TRPM2: variants seen among roughly 807,000 people sequenced by gnomAD.
TRPM2 encodes estrogen-responsive element-associated gene 1 protein.
In TRPM2, 161 loss-of-function variants were observed where a neutral mutation model predicts 174.0. The observed-to-expected ratio is 0.93, with a 90% CI of 0.81 to 1.05. The LOEUF (loss-of-function observed/expected upper bound fraction) is 1.05. TRPM2 is among the 50% of genes least tolerant of loss of function. TRPM2 has a pLI of 0.00. For synonymous variants in TRPM2, 954 were observed against 861.3 expected (o/e 1.11, Z -1.88); for missense variants, 2,057 against 2,038.0 (o/e 1.01, Z -0.18).
In TRPM2 at chr21:44,391,176, G is replaced by C; in HGVS notation, c.1441-96G>C. 6.5e-7 allele frequency: 1 copy of C among 1,535,612 alleles called. No homozygotes were observed. Reference sequence around the variant, plus strand: ...GGCAGCTTTCATCCTCCCCAGGTTGGGGACAACAGCAGCCCCCATCTCCAG... The same window carrying C: ...GGCAGCTTTCATCCTCCCCAGGTTGCGGACAACAGCAGCCCCCATCTCCAG... On this transcript the variant is annotated intron_variant, in intron 10 of 31. Transcript: ENST00000397928. This position sits in a 1 kb window ranked among gnomAD's most constrained non-coding sequence, Gnocchi z 5.0.
upstream of TRPM2, among the ~76,000 whole-genome samples, chr21:44,352,033 G>A (rs2047934224): frequency 6.6e-6 from 1 of 152,216 alleles, no homozygotes; most frequent in African/African-American, 2.4e-5. Flanking sequence ...AGGGTGGACC[G>A]CCTGCCTGGG....
chr21:44,434,232 TGGGGACTGTGGTGGGGACGGTGGC>T (rs1254441103), intron 27 of TRPM2, among the ~76,000 whole-genome samples: 14 of 151,538 alleles, frequency 9.2e-5, no homozygotes, highest in Non-Finnish European at 1.3e-4. Flanking sequence ...TGGATGGTGG[TGGGGACTGTGGTGGGGACGGTGGC>T]GGGGACGCTG....
intron 28 of TRPM2, 121 bp downstream of exon 28, chr21:44,435,338 G>T (rs1051173322): frequency 1.5e-5 from 15 of 1,026,732 alleles, no homozygotes; most frequent in Non-Finnish European, 1.7e-5. Flanking sequence ...CTTGGCACTT[G>T]GTGCCTACTG....
chr21:44,411,207 G>T (rs1275664803), intron 19 of TRPM2, among the ~76,000 whole-genome samples: 1 of 152,122 alleles, frequency 6.6e-6, no homozygotes, highest in Admixed American at 6.6e-5. Flanking sequence ...CTCCAAAAAG[G>T]GCATCTGTGA....
chr21:44,436,206 G>A (rs551406565), intron 28 of TRPM2, among the ~76,000 whole-genome samples: 13 of 152,316 alleles, frequency 8.5e-5, no homozygotes, highest in Admixed American at 2.6e-4. Flanking sequence ...AGACGCCTGC[G>A]TCCCTGAGGA....
intron 4 of TRPM2, among the ~76,000 whole-genome samples, chr21:44,368,958 C>T (rs566089864): frequency 4.1e-4 from 62 of 152,260 alleles, no homozygotes; most frequent in African/African-American, 1.4e-3. Flanking sequence ...GCGGCAGGGA[C>T]CGGGAGAGGG....
upstream of TRPM2, among the ~76,000 whole-genome samples, chr21:44,350,877 G>C (rs1347973218): frequency 6.6e-6 from 1 of 152,142 alleles, no homozygotes; most frequent in Non-Finnish European, 1.5e-5. Flanking sequence ...AGCCGTCCTC[G>C]TGCCCCTGCC....
chr21:44,384,023 C>T (rs931011536), intron 9 of TRPM2, among the ~76,000 whole-genome samples: 1 of 151,880 alleles, frequency 6.6e-6, no homozygotes, highest in African/African-American at 2.4e-5. Context: ...AGATCAATGA[C>T]ATAAAGAATA....
Position 44,399,589 on chromosome 21 carries a change from C to A in TRPM2, c.2208+148C>A. ...GGACAGCGCCTGACCCCTCGGCCAC[C>A]TGCTCCAGGCTCTGGCCTCCCATTT... On this transcript the variant is annotated intron_variant, in intron 14 of 31. Transcript: ENST00000397928. The surrounding 1 kb of genome is among the most constrained non-coding windows in gnomAD (Gnocchi z 4.6). The A allele has an allele frequency of 1.8e-6, 2 of 1,106,774 alleles. No individual in the cohort carries two copies. The highest frequency in any genetic ancestry group is 2.4e-6 in the Non-Finnish European group (2 of 825,094). The allele number at this position is 1,106,774 out of a possible 1,614,324, so 68.6% of individuals were successfully genotyped here. A position where few individuals can be genotyped will look rare whatever the true frequency, so the allele number is the denominator to read the frequency against.
At position 44,442,144 on chromosome 21, in the gene TRPM2, G is replaced by A. The variant is rs1049782787; in HGVS notation, c.*327G>A. Reference sequence around the variant, plus strand: ...CAGAGTCCACTCCCTTCCTGGCTGTGTCACCCCGAGCAGCTCATCCACCAT... The same window carrying A: ...CAGAGTCCACTCCCTTCCTGGCTGTATCACCCCGAGCAGCTCATCCACCAT... On this transcript the variant is annotated 3_prime_UTR_variant, in exon 32 of 32. Transcript: ENST00000397928. 1.2e-5 allele frequency: 3 copies of A among 252,032 alleles called. No homozygotes were observed. The highest frequency in any genetic ancestry group is 2.2e-5 in the Non-Finnish European group (3 of 133,684). 15.6% of individuals were successfully genotyped at this position (252,032 alleles called of 1,614,324 possible).
At chr21:44,353,909 G>T in intron 1 of TRPM2, 44 bp downstream of exon 1, 1 of 1,581,320 alleles carries the variant, frequency 6.3e-7, no homozygotes. Context: ...CGTGGCCACG[G>T]AGGTCACCGT....
At position 44,427,277 on chromosome 21, in the gene TRPM2, C is replaced by T. The variant is rs547980215; in HGVS notation, c.3974+166C>T. 3.3e-5 allele frequency among the ~76,000 whole-genome samples: 5 copies of T among 152,366 alleles called. No homozygotes were observed. The East Asian group carries it at 7.7e-4, about 24-fold the overall frequency. On this transcript the variant is annotated intron_variant, in intron 27 of 31. Coordinates refer to ENST00000397928, the MANE Select transcript of TRPM2 (RefSeq NM_003307.4). ...ATCAACTCACTGCATCTCCGTAGCC[C>T]CCAGGACTGGGCTTGGGGGCGTGGG...
intron 20 of TRPM2, chr21:44,414,604 A>G (rs2050217441): frequency 6.5e-6 from 1 of 153,496 alleles, no homozygotes. Flanking sequence ...TGAGAAAAGA[A>G]AAGCTTTTAT....
intron 5 of TRPM2, among the ~76,000 whole-genome samples, 195 bp downstream of exon 5, chr21:44,369,538 T>C (rs1382699354): frequency 1.7e-3 from 110 of 66,012 alleles, no homozygotes; most frequent in Non-Finnish European, 2.1e-3. Context: ...GGGGAGCAGG[T>C]GGAGTGTGCG....
chr21:44,431,390 C>T (rs2051016822), intron 27 of TRPM2, among the ~76,000 whole-genome samples: 1 of 151,916 alleles, frequency 6.6e-6, no homozygotes, highest in African/African-American at 2.4e-5. Flanking sequence ...CCTCCTGCCT[C>T]TGCCTCCTCA....
rs1476230877 is a variant in TRPM2 at position 44,391,005 on chromosome 21, A to G, written c.1420A>G (p.Met474Val). Reference sequence around the variant, plus strand: ...GGACATTGCCCGCAGTGAGATCTTCATGGATGAGTGGCAGTGGAAGGTAAG... The same window carrying G: ...GGACATTGCCCGCAGTGAGATCTTCGTGGATGAGTGGCAGTGGAAGGTAAG... ...RVDIARSEIFMDEWQWKPSDL... is the reference protein window; with the variant it reads ...RVDIARSEIFVDEWQWKPSDL... Residue 474 changes from methionine (M) to valine (V), a missense_variant, in exon 10 of 32, where the codon ATG (methionine) becomes GTG (valine). By Grantham distance (21) the Met-to-Val change is conservative. Coordinates refer to ENST00000397928, the MANE Select transcript of TRPM2 (RefSeq NM_003307.4). The surrounding 1 kb of genome is among the most constrained non-coding windows in gnomAD (Gnocchi z 5.0). 6.2e-7 allele frequency: 1 copy of G among 1,614,026 alleles called. No homozygotes were observed. The highest frequency in any genetic ancestry group is 8.5e-7 in the Non-Finnish European group (1 of 1,180,030).
intron 17 of TRPM2, among the ~76,000 whole-genome samples, chr21:44,405,609 G>A (rs190474443): frequency 2.0e-5 from 3 of 152,088 alleles, no homozygotes; most frequent in Middle Eastern, 3.2e-3. Flanking sequence ...TGATGCTCTC[G>A]TGTCTCTGCG....
At chr21:44,414,205 A>G (rs547344115) in intron 20 of TRPM2, 131 bp downstream of exon 20, 148 of 1,209,868 alleles carry the variant, frequency 1.2e-4, no homozygotes, top group Non-Finnish European at 1.6e-4. Context: ...CGCGTCACTC[A>G]TATCCTGGTG....
intron 2 of TRPM2, among the ~76,000 whole-genome samples, chr21:44,362,168 T>G (rs1295599995): frequency 6.6e-6 from 1 of 152,136 alleles, no homozygotes; most frequent in African/African-American, 2.4e-5. Flanking sequence ...TCTGTCCCCT[T>G]CTTAATCTAT....
Sources: allele counts gnomAD v4.1 joint callset (sites outside exome capture counted in the v4.1 genomes callset), GRCh38; gene constraint gnomAD v4.1.1; non-coding constraint Gnocchi (gnomAD v3.1); transcripts MANE v1.5; gene names NCBI Gene and HGNC (gene_info 2026-07-23, HGNC 2026-07-21).